The following ABI2 variants were observed in gnomAD, a reference collection of about 807,000 sequenced individuals.
ABI2 encodes the protein abl interactor 2.
A neutral mutation model predicts 59.2 loss-of-function variants in ABI2; 25 were observed. The observed-to-expected ratio is 0.42, with a 90% CI of 0.31 to 0.59. ABI2 has a LOEUF of 0.59. Ranked by LOEUF, ABI2 falls within the 20% of genes least tolerant of loss-of-function variation. The probability of loss-of-function intolerance (pLI) is 0.14; values close to 1 mark genes in which losing one functional copy is unlikely to be tolerated. For missense variants in ABI2, 545 were observed against 681.8 expected (o/e 0.80, Z 2.23); for synonymous variants, 213 against 235.5 (o/e 0.90, Z 0.87).
At chr2:203,408,290 G>A (rs1018297195) in intron 9 of ABI2, among the ~76,000 whole-genome samples, 1 of 151,764 alleles carries the variant, frequency 6.6e-6, no homozygotes, top group Non-Finnish European at 1.5e-5. Context: ...AGCCTCCCGA[G>A]TAGCTGGGGT....
At chr2:203,350,865 TG>T (rs1438630901) in intron 1 of ABI2, among the ~76,000 whole-genome samples, 17 of 32,662 alleles carry the variant, frequency 5.2e-4, no homozygotes, top group African/African-American at 1.2e-3. Flanking sequence ...GTGTGTTTTG[TG>T]TGTGTGTGTG....
intron 1 of ABI2, 83 bp from the exon 2 acceptor site, chr2:203,366,794 T>C: frequency 7.4e-7 from 1 of 1,358,038 alleles, no homozygotes; most frequent in Non-Finnish European, 9.9e-7. Flanking sequence ...AGCAGAATCG[T>C]TGTGATGAGT....
chr2:203,390,894 G>T, intron 4 of ABI2, 152 bp from the exon 5 acceptor site: 1 of 632,982 alleles, frequency 1.6e-6, no homozygotes, highest in Non-Finnish European at 2.8e-6. Flanking sequence ...AGTAATAGTA[G>T]AGTAGAGATT....
At chr2:203,335,321 C>T (rs974554045) in intron 1 of ABI2, among the ~76,000 whole-genome samples, 7 of 152,106 alleles carry the variant, frequency 4.6e-5, no homozygotes, top group African/African-American at 1.4e-4. Flanking sequence ...TGTAGTAGCA[C>T]GATTATGGGT....
intron 10 of ABI2, among the ~76,000 whole-genome samples, chr2:203,415,616 C>CAAAAAAAAA (rs71007515): frequency 2.4e-5 from 1 of 42,340 alleles, no homozygotes; most frequent in Non-Finnish European, 5.8e-5. Flanking sequence ...GACTCCGTCT[C>CAAAAAAAAA]AAAAAAAAAA....
intron 1 of ABI2, chr2:203,351,561 G>A (rs2088494719): frequency 2.3e-6 from 1 of 433,764 alleles, no homozygotes; most frequent in African/African-American, 2.1e-5. Flanking sequence ...TTAGAGATGG[G>A]GTCTTGGTAT....
At chr2:203,341,649 A>T (rs1559161027) in intron 1 of ABI2, among the ~76,000 whole-genome samples, 1 of 152,092 alleles carries the variant, frequency 6.6e-6, no homozygotes, top group Non-Finnish European at 1.5e-5. Flanking sequence ...GGCAGAGGTT[A>T]CAGTGAGCCT....
At chr2:203,398,870 G>GT (rs2097110187) in intron 8 of ABI2, among the ~76,000 whole-genome samples, 1 of 152,062 alleles carries the variant, frequency 6.6e-6, no homozygotes, top group South Asian at 2.1e-4. Flanking sequence ...GTTGTTGCAT[G>GT]TTTAAGTATT....
intron 11 of ABI2, among the ~76,000 whole-genome samples, chr2:203,418,255 T>C (rs2097998993): frequency 6.6e-6 from 1 of 152,268 alleles, no homozygotes; most frequent in African/African-American, 2.4e-5. Flanking sequence ...ATATTAGTTG[T>C]GTATTGCTAC....
intron 9 of ABI2, among the ~76,000 whole-genome samples, chr2:203,407,690 T>G (rs1280529588): frequency 6.6e-5 from 10 of 152,180 alleles, no homozygotes; most frequent in Non-Finnish European, 1.5e-4. Context: ...ACAATCTAAG[T>G]TTGGAGATCT....
chr2:203,369,504 G>T (rs538107769), intron 2 of ABI2, among the ~76,000 whole-genome samples: 1 of 152,158 alleles, frequency 6.6e-6, no homozygotes, highest in Non-Finnish European at 1.5e-5. Flanking sequence ...CCTAGATTTT[G>T]AGTATATGTA....
chr2:203,335,449 A>G (rs1356013941), intron 1 of ABI2, among the ~76,000 whole-genome samples: 2 of 152,012 alleles, frequency 1.3e-5, no homozygotes, highest in Non-Finnish European at 2.9e-5. Context: ...GTTGTTAGAA[A>G]TGGGATCTCA....
chr2:203,415,955 A>G (rs1318342897), intron 10 of ABI2, among the ~76,000 whole-genome samples: 1 of 152,244 alleles, frequency 6.6e-6, no homozygotes, highest in African/African-American at 2.4e-5. Context: ...GTACACTTGG[A>G]CATTTAGCCT....
In ABI2 at chr2:203,387,246, C is replaced by T. The variant is rs2096567152; in HGVS notation, c.481-3800C>T. ...TGATGTCTTCTATGAATTAGAGATA[C>T]TTGGCTGTCCAGGCATGATATTTGT... On this transcript the variant is annotated intron_variant, in intron 4 of 11. Transcript: ENST00000261018. 1.3e-5 allele frequency among the ~76,000 whole-genome samples: 2 copies of T among 152,070 alleles called. 1 individual carries two copies. Among genetic ancestry groups the T allele is most frequent in the South Asian group, 4.1e-4 (2 of 4,826 alleles).
chr2:203,371,527 G>A (rs1041753022), intron 2 of ABI2, among the ~76,000 whole-genome samples: 1 of 152,122 alleles, frequency 6.6e-6, no homozygotes, highest in Admixed American at 6.5e-5. Flanking sequence ...TTCTTAACAT[G>A]GATTATGTTA....
intron 9 of ABI2, among the ~76,000 whole-genome samples, chr2:203,408,073 G>A (rs1353738785): frequency 6.6e-6 from 1 of 152,098 alleles, no homozygotes; most frequent in East Asian, 1.9e-4. Context: ...TTTTGAACAT[G>A]CCTTAGACTA....
At chr2:203,367,153 T>C (rs887831204) in intron 2 of ABI2, 109 bp downstream of exon 2, 7 of 1,339,846 alleles carry the variant, frequency 5.2e-6, no homozygotes, top group Non-Finnish European at 4.8e-6. Flanking sequence ...ACATGTACGA[T>C]TTGGAAAATA....
At position 203,427,288 on chromosome 2, in the gene ABI2, T is replaced by G; in HGVS notation, c.1565T>G (p.Met522Arg). The change falls in exon 12 of 12, where the codon ATG becomes AGG. Residue 522 changes from methionine (M) to arginine (R), a missense_variant. By Grantham distance (91) the Met-to-Arg change is moderately conservative. Transcript: ENST00000261018. ...GACGATGGTTGGTATGAGGGAGTTATGAATGGAGTGACTGGGCTTTTTCCT... is the reference window on the plus strand; with the variant it reads ...GACGATGGTTGGTATGAGGGAGTTAGGAATGGAGTGACTGGGCTTTTTCCT... Reference protein sequence around the residue: ...KNDDGWYEGVMNGVTGLFPGN... With the variant: ...KNDDGWYEGVRNGVTGLFPGN... 6.2e-7 allele frequency: 1 copy of G among 1,614,076 alleles called. No individual in the cohort carries two copies.
At chr2:203,409,562 T>TA (rs2097571098) in intron 9 of ABI2, among the ~76,000 whole-genome samples, 1 of 152,218 alleles carries the variant, frequency 6.6e-6, no homozygotes, top group Non-Finnish European at 1.5e-5. Context: ...TCTTCATAGT[T>TA]ACGAAGGGTA....
Sources: gnomAD v4.1 joint callset for allele counts (sites outside exome capture counted in the v4.1 genomes callset) on GRCh38, gnomAD v4.1.1 for gene constraint, MANE v1.5 for transcripts, NCBI Gene and HGNC (gene_info 2026-07-23, HGNC 2026-07-21) for gene names.